The following DENND2C variants were observed in gnomAD, a reference collection of about 807,000 sequenced individuals.
DENND2C encodes DENN domain containing 2C.
DENND2C carries 72 observed loss-of-function variants against 112.4 expected under a neutral mutation model. That is an observed-to-expected ratio of 0.64 (90% CI 0.53 to 0.78). The LOEUF is 0.78. Ranked by LOEUF, DENND2C falls within the 30% of genes least tolerant of loss-of-function variation. The pLI, the probability that DENND2C is intolerant of heterozygous loss-of-function variation, is 0.00. For synonymous variants in DENND2C, 329 were observed against 381.6 expected, an observed-to-expected ratio of 0.86 and a Z score of 1.61; for missense variants, 992 against 1,113.8, an observed-to-expected ratio of 0.89 and a Z score of 1.56.
chr1:114,593,899 A>G (rs1655265474), intron 18 of DENND2C, among the ~76,000 whole-genome samples: 1 of 152,254 alleles, frequency 6.6e-6, no homozygotes, highest in African/African-American at 2.4e-5. Context: ...CTTCATAAAG[A>G]TAAAACAAAA....
At chr1:114,641,848 T>C (rs1169672975) in intron 3 of DENND2C, among the ~76,000 whole-genome samples, 6 of 152,156 alleles carry the variant, frequency 3.9e-5, no homozygotes, top group Non-Finnish European at 8.8e-5. Flanking sequence ...TAAAATGTCG[T>C]AGGTACACAA....
intron 3 of DENND2C, among the ~76,000 whole-genome samples, chr1:114,631,412 C>T (rs924730887): frequency 1.3e-5 from 2 of 151,790 alleles, no homozygotes; most frequent in Admixed American, 6.6e-5. Flanking sequence ...ATAAAATGTC[C>T]GTCATCTAAT....
At chr1:114,615,745 T>C (rs1655947190) in intron 8 of DENND2C, among the ~76,000 whole-genome samples, 1 of 152,182 alleles carries the variant, frequency 6.6e-6, no homozygotes, top group South Asian at 2.1e-4. Flanking sequence ...AGTAAGTTGT[T>C]AGAATATAAA....
At chr1:114,600,762 A>G in intron 14 of DENND2C, 58 bp downstream of exon 14, 3 of 1,572,290 alleles carry the variant, frequency 1.9e-6, no homozygotes, top group Non-Finnish European at 2.6e-6. Context: ...GAAACTGCCT[A>G]CTAGTGTAAG....
At position 114,587,364 on chromosome 1, in the gene DENND2C, AACAGGAAAAC is replaced by A; in HGVS notation, c.2755+13_2755+22del. 6.2e-7 allele frequency: 1 copy of A among 1,613,710 alleles called. No individual in the cohort carries two copies. Among genetic ancestry groups the A allele is most frequent in the South Asian group, 1.1e-5 (1 of 91,086 alleles). ...GCCTGGTCTTCAGCCACATTTATCT[AACAGGAAAAC>A]ACAGCAACTAACCAAGACTCCGCAA... On this transcript the variant is annotated intron_variant, in intron 20 of 20. Transcript: ENST00000393274.
intron 14 of DENND2C, 121 bp downstream of exon 14, chr1:114,600,699 A>C: frequency 7.7e-7 from 1 of 1,302,688 alleles, no homozygotes; most frequent in South Asian, 1.6e-5. Flanking sequence ...TATGGAAATA[A>C]AACATATTCT....
Position 114,625,335 on chromosome 1 carries a change from A to T in DENND2C, c.650T>A (p.Phe217Tyr). ...INPLPKPRRT[F>Y]RYLSESGVTP... ...AACACCAGATTCGGATAAATATCTG[A>T]ATGTCCTACGAGGTTTTGGCAAAGG... Residue 217 changes from phenylalanine to tyrosine, a missense_variant, in exon 4 of 21, where the codon TTC becomes TAC. Coordinates refer to ENST00000393274, the MANE Select transcript of DENND2C (RefSeq NM_001256404.2). 2.5e-6 allele frequency: 4 copies of T among 1,614,158 alleles called. No individual in the cohort carries two copies. Among genetic ancestry groups the T allele is most frequent in the Non-Finnish European group, 2.5e-6 (3 of 1,180,012 alleles).
intron 6 of DENND2C, 148 bp from the exon 7 acceptor site, chr1:114,622,213 A>G: frequency 1.3e-6 from 1 of 798,280 alleles, no homozygotes; most frequent in Non-Finnish European, 1.9e-6. Context: ...TCCTGAGCTC[A>G]AGTGATCCCC....
intron 1 of DENND2C, among the ~76,000 whole-genome samples, chr1:114,668,361 T>C (rs1019828056): frequency 6.6e-6 from 1 of 152,222 alleles, no homozygotes; most frequent in Non-Finnish European, 1.5e-5. Flanking sequence ...AATTTGATCT[T>C]GGTATCCAGT....
At chr1:114,664,494 T>G (rs896378545) in intron 1 of DENND2C, among the ~76,000 whole-genome samples, 1 of 151,990 alleles carries the variant, frequency 6.6e-6, no homozygotes, top group Non-Finnish European at 1.5e-5. Flanking sequence ...TAAATTTTTT[T>G]GAGATGGAGA....
chr1:114,625,975 C>A lies in DENND2C; in HGVS notation c.10G>T (p.Gly4Cys). The change falls in exon 4 of 21, where the codon GGT becomes TGT. Residue 4 changes from glycine to cysteine, a missense_variant. Gly to Cys is a radical substitution (Grantham distance 159). This residue lies in a region of DENND2C where 470 missense variants were observed against 472.7 expected (regional missense o/e 0.99). Coordinates refer to ENST00000393274, the MANE Select transcript of DENND2C (RefSeq NM_001256404.2). Reference protein sequence around the residue: MDVGFSRTTVQTLS... With the variant: MDVCFSRTTVQTLS... The stretch of plus-strand genomic sequence containing the variant: ...GTCTGAACAGTAGTACGAGAAAAAC[C>A]AACATCCATGTTCCCAACTGGGTGA... 1 of 1,607,834 alleles carries A rather than the reference C, an allele frequency of 6.2e-7. No homozygotes were observed. The highest frequency in any genetic ancestry group is 8.5e-7 in the Non-Finnish European group (1 of 1,176,476).
In DENND2C at chr1:114,600,298, A is replaced by G; in HGVS notation, c.2011T>C (p.Cys671Arg). The G allele has an allele frequency of 6.2e-7, 1 of 1,614,158 alleles. No homozygotes were observed. The change falls in exon 15 of 21, where the codon TGT becomes CGT. Residue 671 changes from cysteine (C) to arginine (R), a missense_variant. Physicochemically the swap from Cys to Arg is radical, Grantham distance 180. Transcript: ENST00000393274. ...CACACACTCAGGCACTTAAAGAGAC[A>G]TTTAAAATCAACATGTTCCAATCGG... Reference protein sequence around the residue: ...DSRLEHVDFKCLFKCLSVCHL... With the variant: ...DSRLEHVDFKRLFKCLSVCHL...
intron 1 of DENND2C, among the ~76,000 whole-genome samples, chr1:114,667,658 TC>T (rs1657681078): frequency 6.6e-6 from 1 of 152,206 alleles, no homozygotes; most frequent in South Asian, 2.1e-4. Flanking sequence ...TTTTCCTCTT[TC>T]TTTCCTTCTT....
intron 18 of DENND2C, among the ~76,000 whole-genome samples, chr1:114,590,765 C>A (rs965891971): frequency 8.5e-6 from 1 of 117,972 alleles, no homozygotes; most frequent in Non-Finnish European, 1.7e-5. Context: ...GGCGACAGAG[C>A]GAGACTCCGT....
chr1:114,658,905 A>C (rs1293339045), intron 1 of DENND2C, among the ~76,000 whole-genome samples: 1 of 152,042 alleles, frequency 6.6e-6, no homozygotes, highest in African/African-American at 2.4e-5. Context: ...GATGATAAGC[A>C]ATGTCACTTA....
At chr1:114,640,219 T>C (rs1206148447) in intron 3 of DENND2C, among the ~76,000 whole-genome samples, 1 of 152,238 alleles carries the variant, frequency 6.6e-6, no homozygotes, top group Non-Finnish European at 1.5e-5. Flanking sequence ...CAGAGCTACT[T>C]AAATCCAGAT....
intron 3 of DENND2C, among the ~76,000 whole-genome samples, chr1:114,626,416 G>T (rs563595130): frequency 6.6e-6 from 1 of 150,870 alleles, no homozygotes; most frequent in South Asian, 2.1e-4. Context: ...CAGCTTTAAT[G>T]TTCTGCCATA....
intron 13 of DENND2C, 152 bp from the exon 14 acceptor site, chr1:114,601,112 A>G (rs1456953427): frequency 4.8e-6 from 4 of 830,330 alleles, no homozygotes; most frequent in African/African-American, 3.5e-5. Context: ...AAAGTTAAAT[A>G]AGCATCATAT....
At chr1:114,615,612 A>G (rs1655943582) in intron 8 of DENND2C, among the ~76,000 whole-genome samples, 1 of 152,268 alleles carries the variant, frequency 6.6e-6, no homozygotes, top group Non-Finnish European at 1.5e-5. Flanking sequence ...AGATTGAAAC[A>G]TGTTTTAGTA....
Sources: allele counts gnomAD v4.1 joint callset (sites outside exome capture counted in the v4.1 genomes callset), GRCh38; gene constraint gnomAD v4.1.1; regional missense constraint gnomAD v4.1.1; transcripts MANE v1.5; gene names NCBI Gene and HGNC (gene_info 2026-07-23, HGNC 2026-07-21).